TANC2: variants seen among roughly 807,000 people sequenced by gnomAD.
The protein encoded by TANC2 is tetratricopeptide repeat, ankyrin repeat and coiled-coil containing 2.
TANC2 carries 26 observed loss-of-function variants against 210.5 expected under a neutral mutation model. The ratio of observed to expected loss-of-function variants is 0.12; its 90% CI spans 0.09 to 0.17. TANC2 has a LOEUF of 0.17. TANC2 is among the 10% of genes least tolerant of loss of function. The pLI is 1.00. For synonymous variants in TANC2, 931 were observed against 967.1 expected (o/e 0.96, Z 0.69); for missense variants, 2,129 against 2,608.9 (o/e 0.82, Z 4.01).
At chr17:63,228,814 C>G (rs138712868) in intron 7 of TANC2, among the ~76,000 whole-genome samples, 17 of 152,278 alleles carry the variant, frequency 1.1e-4, no homozygotes, top group African/African-American at 3.4e-4. Flanking sequence ...TGTTTATCAG[C>G]TTAAGAAGCT....
chr17:63,110,718 G>A (rs943803162), intron 4 of TANC2, among the ~76,000 whole-genome samples: 1 of 152,140 alleles, frequency 6.6e-6, no homozygotes, highest in South Asian at 2.1e-4. Context: ...CTTAACTACC[G>A]CTTAAGGGTT....
intron 4 of TANC2, among the ~76,000 whole-genome samples, chr17:63,136,928 G>A (rs182750649): frequency 2.0e-5 from 3 of 152,262 alleles, no homozygotes; most frequent in African/African-American, 4.8e-5. Flanking sequence ...ACAGAGTACT[G>A]AGGACAGAGC....
intron 14 of TANC2, among the ~76,000 whole-genome samples, chr17:63,360,828 A>G (rs1303875328): frequency 1.3e-5 from 2 of 150,870 alleles, no homozygotes; most frequent in South Asian, 4.2e-4. Context: ...ACCTTCCCCT[A>G]CTCTCTATCT....
chr17:63,222,311 G>A (rs1335320681), intron 7 of TANC2, among the ~76,000 whole-genome samples: 1 of 152,090 alleles, frequency 6.6e-6, no homozygotes, highest in Non-Finnish European at 1.5e-5. Flanking sequence ...ACAGACCATA[G>A]CAGCTGAAAA....
chr17:63,330,806 T>G (rs2045814105), intron 11 of TANC2, among the ~76,000 whole-genome samples: 3 of 152,054 alleles, frequency 2.0e-5, no homozygotes, highest in Admixed American at 2.0e-4. Context: ...CGGAGCGCGG[T>G]GGCTCCTGCC....
In TANC2 at chr17:63,235,900, T is replaced by A. The variant is rs564405097; in HGVS notation, c.770-1914T>A. ...CTTTCATTTCTAGCATTAATTAAAA[T>A]TTTTCTATTTGTGTATAATTAGTAG... On this transcript the variant is annotated intron_variant, in intron 7 of 27. Coordinates refer to ENST00000689528, the Ensembl canonical transcript of TANC2. 5.9e-5 allele frequency among the ~76,000 whole-genome samples: 9 copies of A among 152,204 alleles called. No individual in the cohort carries two copies. In the South Asian group the frequency reaches 1.9e-3, roughly 32 times the overall value.
intron 4 of TANC2, among the ~76,000 whole-genome samples, chr17:63,119,014 C>A: frequency 6.6e-6 from 1 of 152,022 alleles, no homozygotes; most frequent in Non-Finnish European, 1.5e-5. Flanking sequence ...GATCTCCTGA[C>A]CCCGTGATCC....
At chr17:63,105,548 C>T (rs1247130495) in intron 4 of TANC2, among the ~76,000 whole-genome samples, 1 of 151,518 alleles carries the variant, frequency 6.6e-6, no homozygotes, top group Non-Finnish European at 1.5e-5. Flanking sequence ...TCAAGATGTA[C>T]TGTGGTGAAT....
chr17:63,303,736 C>G (rs2044800762), intron 9 of TANC2, among the ~76,000 whole-genome samples: 1 of 152,012 alleles, frequency 6.6e-6, no homozygotes, highest in African/African-American at 2.4e-5. Context: ...GTACTCCAGT[C>G]AATCACAGGT....
At chr17:63,151,482 T>TA (rs2039652025) in intron 5 of TANC2, 102 bp downstream of exon 5, 2 of 458,000 alleles carry the variant, frequency 4.4e-6, no homozygotes, top group African/African-American at 4.2e-5. Flanking sequence ...AAAAACATGT[T>TA]ACCTCTTTTG....
chr17:63,064,738 TTATTG>T (rs1441516963), intron 2 of TANC2, among the ~76,000 whole-genome samples: 1 of 152,162 alleles, frequency 6.6e-6, no homozygotes, highest in Non-Finnish European at 1.5e-5. Flanking sequence ...TATATACTGT[TTATTG>T]TATATTAAGT....
intron 7 of TANC2, among the ~76,000 whole-genome samples, chr17:63,209,654 C>T (rs1444940877): frequency 6.6e-6 from 1 of 151,578 alleles, no homozygotes; most frequent in Non-Finnish European, 1.5e-5. Flanking sequence ...AGGCTGGTCT[C>T]GAACTCCTGA....
At chr17:63,021,433 A>C (rs2034343558) in intron 2 of TANC2, among the ~76,000 whole-genome samples, 1 of 152,126 alleles carries the variant, frequency 6.6e-6, no homozygotes. Flanking sequence ...TGGTTGTTAT[A>C]AAGCAGGTCA....
intron 12 of TANC2, among the ~76,000 whole-genome samples, chr17:63,340,795 T>C (rs1446396302): frequency 6.6e-6 from 1 of 152,202 alleles, no homozygotes; most frequent in Non-Finnish European, 1.5e-5. Flanking sequence ...CAGAAATCAT[T>C]TAACTGTACA....
At chr17:63,276,519 T>C (rs1460959182) in intron 9 of TANC2, among the ~76,000 whole-genome samples, 2 of 151,182 alleles carry the variant, frequency 1.3e-5, no homozygotes, top group Non-Finnish European at 2.9e-5. Flanking sequence ...TTAACTGTTC[T>C]CCAAAGATCT....
At chr17:63,167,884 CAAAAAAA>C (rs760465295) in intron 5 of TANC2, among the ~76,000 whole-genome samples, 11 of 63,994 alleles carry the variant, frequency 1.7e-4, no homozygotes, top group South Asian at 6.7e-4. Context: ...GACTCTGTCT[CAAAAAAA>C]AAAAAAAAAA....
intron 2 of TANC2, among the ~76,000 whole-genome samples, chr17:63,064,497 T>C (rs962410491): frequency 1.1e-4 from 17 of 152,186 alleles, no homozygotes; most frequent in Admixed American, 1.1e-3. Context: ...AATTATACAG[T>C]CATTTCACTA....
intron 9 of TANC2, among the ~76,000 whole-genome samples, chr17:63,302,788 G>A (rs913957073): frequency 5.9e-5 from 9 of 151,466 alleles, no homozygotes; most frequent in African/African-American, 2.2e-4. Flanking sequence ...TTTTGAGATG[G>A]AGTCTTGCTC....
At chr17:63,213,139 A>C (rs2041933331) in intron 7 of TANC2, among the ~76,000 whole-genome samples, 1 of 152,238 alleles carries the variant, frequency 6.6e-6, no homozygotes, top group Admixed American at 6.5e-5. Context: ...TCAGACCTTT[A>C]CAAGTGTAAT....
Sources: gnomAD v4.1 joint callset for allele counts (sites outside exome capture counted in the v4.1 genomes callset) on GRCh38, gnomAD v4.1.1 for gene constraint, MANE v1.5 for transcripts, NCBI Gene and HGNC (gene_info 2026-07-23, HGNC 2026-07-21) for gene names.